The following KL variants were observed in gnomAD, a reference collection of about 807,000 sequenced individuals.
KL encodes the protein klotho.
KL carries 62 observed loss-of-function variants against 84.2 expected under a neutral mutation model. The observed-to-expected ratio is 0.74, with a 90% CI of 0.60 to 0.91. The LOEUF is 0.91. Ranked by LOEUF, KL falls within the 40% of genes least tolerant of loss-of-function variation. The pLI is 0.00. For synonymous variants in KL, 528 were observed against 528.0 expected, an observed-to-expected ratio of 1.00 and a Z score of 0.00; for missense variants, 1,261 against 1,305.7, an observed-to-expected ratio of 0.97 and a Z score of 0.53.
At chr13:33,045,164 G>A (rs1446040391) in intron 1 of KL, among the ~76,000 whole-genome samples, 2 of 152,122 alleles carry the variant, frequency 1.3e-5, no homozygotes, top group African/African-American at 2.4e-5. Flanking sequence ...CATTGCTATT[G>A]TACAGAAATA....
At chr13:33,042,149 A>T (rs899382179) in intron 1 of KL, among the ~76,000 whole-genome samples, 3 of 152,190 alleles carry the variant, frequency 2.0e-5, no homozygotes, top group Admixed American at 6.5e-5. Flanking sequence ...CTCTTGCCAC[A>T]TAAATTGTAG....
At chr13:33,017,354 C>A in intron 1 of KL, 95 bp downstream of exon 1, 1 of 1,181,232 alleles carries the variant, frequency 8.5e-7, no homozygotes, top group Non-Finnish European at 1.2e-6. Context: ...CTCCCCCAGA[C>A]GAGGCTTCAC....
intron 1 of KL, among the ~76,000 whole-genome samples, chr13:33,024,842 A>C (rs1435444255): frequency 6.6e-6 from 1 of 151,972 alleles, no homozygotes; most frequent in East Asian, 1.9e-4. Flanking sequence ...GGGGCGTCTC[A>C]CTCCCGACTC....
intron 1 of KL, 56 bp from the exon 2 acceptor site, chr13:33,053,711 T>C (rs760471841): frequency 6.6e-7 from 1 of 1,513,096 alleles, no homozygotes; most frequent in Admixed American, 1.7e-5. Flanking sequence ...TCAAGTATTA[T>C]ATTGCATTTC....
intron 1 of KL, among the ~76,000 whole-genome samples, chr13:33,049,911 C>T (rs2138226730): frequency 6.6e-6 from 1 of 152,292 alleles, no homozygotes; most frequent in South Asian, 2.1e-4. Flanking sequence ...ATACCACCCA[C>T]AATCCTGCTG....
At chr13:33,033,568 A>T (rs1015143990) in intron 1 of KL, among the ~76,000 whole-genome samples, 1 of 152,050 alleles carries the variant, frequency 6.6e-6, no homozygotes, top group Admixed American at 6.5e-5. Flanking sequence ...GGTTCTTCCC[A>T]ACCTGCCCTA....
intron 1 of KL, among the ~76,000 whole-genome samples, chr13:33,032,422 C>T (rs1871004622): frequency 6.6e-6 from 1 of 152,156 alleles, no homozygotes; most frequent in Admixed American, 6.5e-5. Context: ...TGCAAGACGG[C>T]TCACACATGT....
At chr13:33,026,611 C>T (rs143206291) in intron 1 of KL, among the ~76,000 whole-genome samples, 2,597 of 152,260 alleles carry the variant, frequency 0.017, 39 homozygotes, top group Middle Eastern at 0.027. Context: ...TTATAACTCC[C>T]TGGCTTCTGG....
intron 1 of KL, among the ~76,000 whole-genome samples, chr13:33,028,914 T>C (rs1345556095): frequency 6.6e-6 from 1 of 152,170 alleles, no homozygotes; most frequent in Admixed American, 6.5e-5. Flanking sequence ...TAATAGGAAG[T>C]CAGTGGATAC....
chr13:33,016,814 C>T lies in KL; in HGVS notation c.374C>T (p.Ala125Val). The stretch of plus-strand genomic sequence containing the variant: ...CTGCAGCCCGCCACCGGGGACGTAG[C>T]CAGCGACAGCTACAACAACGTCTTC... The part of the protein sequence containing the change: ...SPLQPATGDV[A>V]SDSYNNVFRD... Residue 125 changes from alanine (A) to valine (V), a missense_variant, in exon 1 of 5, where the codon GCC (alanine) becomes GTC (valine). Coordinates refer to ENST00000380099, the MANE Select transcript of KL (RefSeq NM_004795.4). 4 of 1,612,694 alleles carry T rather than the reference C, an allele frequency of 2.5e-6. No individual in the cohort carries two copies. Among genetic ancestry groups the T allele is most frequent in the Non-Finnish European group, 3.4e-6 (4 of 1,179,792 alleles).
At chr13:33,043,605 T>C (rs1039619802) in intron 1 of KL, among the ~76,000 whole-genome samples, 1 of 152,194 alleles carries the variant, frequency 6.6e-6, no homozygotes, top group African/African-American at 2.4e-5. Context: ...ATAGTGTTGA[T>C]GTTGAGGACA....
chr13:33,016,690 G>C lies in KL; in HGVS notation c.250G>C (p.Gly84Arg), dbSNP rs532492897. 2.5e-6 allele frequency: 4 copies of C among 1,605,570 alleles called. No individual in the cohort carries two copies. In the East Asian group the frequency reaches 6.8e-5, roughly 27 times the overall value. The change falls in exon 1 of 5, where the codon GGC becomes CGC. Residue 84 changes from glycine to arginine, a missense_variant. Physicochemically the swap from Gly to Arg is moderately radical, Grantham distance 125. Transcript: ENST00000380099. Reference sequence around the variant, plus strand: ...GACCGAGGGCGGCTGGCAGCAGCACGGCAAGGGTGCGTCCATCTGGGATAC... The same window carrying C: ...GACCGAGGGCGGCTGGCAGCAGCACCGCAAGGGTGCGTCCATCTGGGATAC... ...YQTEGGWQQH[G>R]KGASIWDTFT...
intron 1 of KL, among the ~76,000 whole-genome samples, chr13:33,033,275 GGA>G (rs1871038588): frequency 6.6e-6 from 1 of 152,146 alleles, no homozygotes; most frequent in African/African-American, 2.4e-5. Context: ...ACGGGAGATG[GGA>G]GAGTGAAAAA....
At chr13:33,040,782 C>G (rs143077455) in intron 1 of KL, among the ~76,000 whole-genome samples, 37 of 152,254 alleles carry the variant, frequency 2.4e-4, no homozygotes, top group African/African-American at 8.9e-4. Flanking sequence ...AGCTGAGTAC[C>G]AGGCATCTTC....
chr13:33,017,952 A>G (rs1452899838), intron 1 of KL, among the ~76,000 whole-genome samples: 1 of 152,246 alleles, frequency 6.6e-6, no homozygotes, highest in Non-Finnish European at 1.5e-5. Context: ...AGTGCTCTCT[A>G]CAGTTGAAAG....
At chr13:33,041,224 T>G (rs1041330204) in intron 1 of KL, among the ~76,000 whole-genome samples, 19 of 152,082 alleles carry the variant, frequency 1.2e-4, no homozygotes, top group Non-Finnish European at 1.5e-5. Flanking sequence ...TCTCCTATGT[T>G]GAGAATTGAT....
intron 1 of KL, among the ~76,000 whole-genome samples, chr13:33,032,583 T>TTTC (rs772017453): frequency 1.1e-4 from 17 of 151,438 alleles, no homozygotes; most frequent in Admixed American, 3.3e-4. Context: ...ATGGACTTCT[T>TTTC]TTCTTCTTCT....
In KL at chr13:33,061,477, A is replaced by T. The variant is rs927782064; in HGVS notation, c.2398A>T (p.Thr800Ser). Reference protein sequence around the residue: ...TEDEKKLIQGTFDFLALSHYT... With the variant: ...TEDEKKLIQGSFDFLALSHYT... ...AGATGAAAAAAAGCTAATCCAGGGT[A>T]CCTTTGACTTTTTGGCTTTAAGCCA... Residue 800 changes from threonine to serine, a missense_variant, in exon 4 of 5, where the codon ACC (threonine) becomes TCC (serine). Thr to Ser is a moderately conservative substitution (Grantham distance 58). Coordinates refer to ENST00000380099, the MANE Select transcript of KL (RefSeq NM_004795.4). The T allele has an allele frequency of 1.2e-6, 2 of 1,614,176 alleles. No homozygotes were observed. The highest frequency in any genetic ancestry group is 1.7e-6 in the Non-Finnish European group (2 of 1,180,014).
intron 1 of KL, among the ~76,000 whole-genome samples, chr13:33,052,975 A>C (rs1332508591): frequency 6.6e-6 from 1 of 152,226 alleles, no homozygotes; most frequent in African/African-American, 2.4e-5. Flanking sequence ...TGAAAATAAG[A>C]TATTAGAAGT....
Sources: gnomAD v4.1 joint callset for allele counts (sites outside exome capture counted in the v4.1 genomes callset) on GRCh38, gnomAD v4.1.1 for gene constraint, MANE v1.5 for transcripts, NCBI Gene and HGNC (gene_info 2026-07-23, HGNC 2026-07-21) for gene names.